PLCL1: variants seen among roughly 807,000 people sequenced by gnomAD.
PLCL1 encodes inactive phospholipase C-like protein 1.
Under a neutral mutation model 84.4 loss-of-function variants are expected in PLCL1, and 41 were observed. That is an observed-to-expected ratio of 0.49 (90% CI 0.38 to 0.63). The LOEUF is 0.63. Ranked by LOEUF, PLCL1 falls within the 30% of genes least tolerant of loss-of-function variation. The pLI, the probability that PLCL1 is intolerant of heterozygous loss-of-function variation, is 0.00. For synonymous variants in PLCL1, 490 were observed against 488.3 expected (o/e 1.00, Z -0.05); for missense variants, 1,206 against 1,367.8 (o/e 0.88, Z 1.87).
intron 5 of PLCL1, among the ~76,000 whole-genome samples, chr2:198,109,262 C>T (rs1433442669): frequency 1.3e-5 from 2 of 151,720 alleles, no homozygotes; most frequent in Non-Finnish European, 2.9e-5. Flanking sequence ...ACGGTGTCTC[C>T]TCAAATGGCT....
chr2:198,084,621 A>G lies in PLCL1; in HGVS notation c.1104A>G (p.Gln368=), dbSNP rs768577960. The change falls in exon 2 of 6, where the codon CAA becomes CAG. Residue 368 remains glutamine (Q), a synonymous_variant. Coordinates refer to ENST00000428675, the MANE Select transcript of PLCL1 (RefSeq NM_006226.4). ...ACGAACTTTCTGAAGAGGGACGTCA[A>G]AAAGGGTTTCTTGCAATTGATGGCT... ...RRYELSEEGR[Q]KGFLAIDGFT... 5.0e-6 allele frequency: 8 copies of G among 1,614,002 alleles called. No homozygotes were observed. In the East Asian group the frequency reaches 1.6e-4, roughly 31 times the overall value.
At chr2:197,953,876 T>C (rs1030798911) in intron 1 of PLCL1, among the ~76,000 whole-genome samples, 9 of 151,716 alleles carry the variant, frequency 5.9e-5, no homozygotes, top group Non-Finnish European at 1.5e-5. Flanking sequence ...AAAATATTGC[T>C]CTATTTTTGC....
intron 1 of PLCL1, among the ~76,000 whole-genome samples, chr2:197,822,996 G>A (rs939458237): frequency 1.1e-4 from 16 of 152,102 alleles, no homozygotes; most frequent in African/African-American, 1.9e-4. Context: ...GTATAAAGCC[G>A]TTGTACTTTT....
chr2:197,894,973 A>G (rs150944481), intron 1 of PLCL1, among the ~76,000 whole-genome samples: 4 of 151,994 alleles, frequency 2.6e-5, no homozygotes, highest in Non-Finnish European at 4.4e-5. Context: ...TTTCCATACA[A>G]CACCATGGCT....
intron 1 of PLCL1, among the ~76,000 whole-genome samples, chr2:198,060,272 G>T (rs1692160840): frequency 6.6e-6 from 1 of 152,150 alleles, no homozygotes; most frequent in Non-Finnish European, 1.5e-5. Flanking sequence ...CTACGGTAAT[G>T]GGCAGTGGAA....
At chr2:198,041,710 G>A (rs755020045) in intron 1 of PLCL1, among the ~76,000 whole-genome samples, 6 of 152,176 alleles carry the variant, frequency 3.9e-5, no homozygotes, top group Non-Finnish European at 7.3e-5. Flanking sequence ...GTTCATTCAA[G>A]GAAGAAATCA....
chr2:197,841,743 G>A (rs1246186580), intron 1 of PLCL1, among the ~76,000 whole-genome samples: 1 of 152,184 alleles, frequency 6.6e-6, no homozygotes, highest in East Asian at 1.9e-4. Context: ...AAGTATAATT[G>A]CTGAATCAAA....
chr2:197,949,774 T>A (rs1689353128), intron 1 of PLCL1, among the ~76,000 whole-genome samples: 1 of 152,194 alleles, frequency 6.6e-6, no homozygotes, highest in South Asian at 2.1e-4. Flanking sequence ...AATGTTCAGT[T>A]GGAAATTGTT....
At chr2:198,102,039 C>T (rs746685032) in intron 4 of PLCL1, among the ~76,000 whole-genome samples, 4 of 151,960 alleles carry the variant, frequency 2.6e-5, no homozygotes, top group Admixed American at 6.6e-5. Context: ...TCATTATATC[C>T]GATTTATAGA....
At chr2:198,032,335 A>G (rs1441015006) in intron 1 of PLCL1, among the ~76,000 whole-genome samples, 1 of 143,882 alleles carries the variant, frequency 7.0e-6, no homozygotes, top group East Asian at 1.9e-4. Context: ...TGAGAATAAT[A>G]AAAAAAAAAC....
intron 1 of PLCL1, among the ~76,000 whole-genome samples, chr2:197,977,597 CT>C (rs1379478143): frequency 6.6e-6 from 1 of 152,134 alleles, no homozygotes; most frequent in African/African-American, 2.4e-5. Flanking sequence ...TGCCCCTACC[CT>C]AACTTGCACC....
At position 197,805,469 on chromosome 2, in the gene PLCL1, ACCTT is replaced by A; in HGVS notation, c.240+139_240+142del. On this transcript the variant is annotated intron_variant, in intron 1 of 5. Transcript: ENST00000428675. This position sits in a 1 kb window ranked among gnomAD's most constrained non-coding sequence, Gnocchi z 4.0. Reference sequence around the variant, plus strand: ...TTTCTCCCACCTCCTTCAACGCCAAACCTTCCTTCCTTATCCGGAGGTTCCCAGA... The same window carrying A: ...TTTCTCCCACCTCCTTCAACGCCAAACCTTCCTTATCCGGAGGTTCCCAGA... 1.1e-6 allele frequency: 1 copy of A among 874,818 alleles called. No individual in the cohort carries two copies. The allele number at this position is 874,818 out of a possible 1,614,324, so 54.2% of individuals were successfully genotyped here.
At chr2:198,014,166 G>A (rs1337806881) in intron 1 of PLCL1, among the ~76,000 whole-genome samples, 1 of 152,150 alleles carries the variant, frequency 6.6e-6, no homozygotes, top group African/African-American at 2.4e-5. Flanking sequence ...CAAGGAACTG[G>A]TGTGCTACAC....
intron 1 of PLCL1, among the ~76,000 whole-genome samples, chr2:197,902,335 T>C (rs1425595605): frequency 1.3e-5 from 2 of 152,110 alleles, no homozygotes; most frequent in African/African-American, 2.4e-5. Flanking sequence ...GAACCAGAAG[T>C]TAGGTACTCA....
chr2:198,085,347 G>A lies in PLCL1; in HGVS notation c.1830G>A (p.Trp610Ter). 6.2e-7 allele frequency: 1 copy of A among 1,613,008 alleles called. No individual in the cohort carries two copies. The highest frequency in any genetic ancestry group is 8.5e-7 in the Non-Finnish European group (1 of 1,179,342). The part of the protein sequence containing the change: ...FELSMKSQNY[W>*]EMCSFSETEA... ...TATCTATGAAAAGCCAAAACTATTGGGAAATGTGTTCATTTAGTGAAACAG... is the reference window on the plus strand; with the variant it reads ...TATCTATGAAAAGCCAAAACTATTGAGAAATGTGTTCATTTAGTGAAACAG... Residue 610 changes from tryptophan to a stop codon, truncating the protein, a stop_gained, in exon 2 of 6, where the codon TGG becomes TGA. Coordinates refer to ENST00000428675, the MANE Select transcript of PLCL1 (RefSeq NM_006226.4). LOFTEE classifies it high-confidence loss of function. This position sits in a 1 kb window ranked among gnomAD's most constrained non-coding sequence, Gnocchi z 5.3.
intron 5 of PLCL1, among the ~76,000 whole-genome samples, chr2:198,145,276 A>G (rs999229170): frequency 1.2e-4 from 18 of 152,302 alleles, no homozygotes; most frequent in African/African-American, 4.1e-4. Context: ...CAGACTTCCC[A>G]AAGTCTGCTG....
intron 5 of PLCL1, among the ~76,000 whole-genome samples, chr2:198,107,024 G>A (rs1374472997): frequency 4.6e-5 from 7 of 151,838 alleles, no homozygotes; most frequent in Admixed American, 3.3e-4. Context: ...TAATAAAGAC[G>A]TACCCGAGAG....
intron 1 of PLCL1, among the ~76,000 whole-genome samples, chr2:197,931,501 C>T (rs901537527): frequency 2.0e-5 from 3 of 152,086 alleles, no homozygotes. Context: ...TCCACCCATT[C>T]TTTTCCTTTT....
chr2:197,903,823 A>T (rs1232224873), intron 1 of PLCL1, among the ~76,000 whole-genome samples: 2 of 97,482 alleles, frequency 2.1e-5, no homozygotes, highest in Non-Finnish European at 3.9e-5. Flanking sequence ...TTTTTTTGAG[A>T]CAAAGTCTCG....
Sources: gnomAD v4.1 joint callset for allele counts (sites outside exome capture counted in the v4.1 genomes callset) on GRCh38, gnomAD v4.1.1 for gene constraint, Gnocchi (gnomAD v3.1) non-coding constraint, MANE v1.5 for transcripts, NCBI Gene and HGNC (gene_info 2026-07-23, HGNC 2026-07-21) for gene names.